DMC1: variants seen among roughly 807,000 people sequenced by gnomAD.
DMC1 encodes the protein DNA meiotic recombinase 1, also known as meiotic recombination protein DMC1 homolog.
DMC1 carries 27 observed loss-of-function variants against 50.1 expected under a neutral mutation model. The observed-to-expected ratio is 0.54, with a 90% confidence interval of 0.40 to 0.74. The LOEUF (loss-of-function observed/expected upper bound fraction) is 0.74. Ranked by LOEUF, DMC1 falls within the 30% of genes least tolerant of loss-of-function variation. DMC1 has a pLI of 0.00. For synonymous variants in DMC1, 148 were observed against 136.1 expected, an observed-to-expected ratio of 1.09 and a Z score of -0.61; for missense variants, 295 against 420.2, an observed-to-expected ratio of 0.70 and a Z score of 2.60.
intron 4 of DMC1, among the ~76,000 whole-genome samples, chr22:38,563,924 T>C (rs2090555269): frequency 6.6e-6 from 1 of 152,172 alleles, no homozygotes; most frequent in South Asian, 2.1e-4. Context: ...ATGGTCTCGA[T>C]CTCCTGACCT....
intron 2 of DMC1, 41 bp from the exon 3 acceptor site, chr22:38,567,668 C>T: frequency 3.5e-6 from 5 of 1,434,408 alleles, no homozygotes; most frequent in Non-Finnish European, 4.9e-6. Flanking sequence ...TTTGATTCTT[C>T]ATATCCAGCT....
intron 7 of DMC1, 60 bp downstream of exon 7, chr22:38,552,606 G>T: frequency 8.7e-7 from 1 of 1,145,866 alleles, no homozygotes; most frequent in Non-Finnish European, 1.3e-6. Context: ...CAGGCACATA[G>T]TAGATGTTTG....
intron 5 of DMC1, among the ~76,000 whole-genome samples, chr22:38,557,953 G>GTTTTTT (rs1555940699): frequency 2.0e-4 from 19 of 94,948 alleles, no homozygotes; most frequent in African/African-American, 7.1e-4. Context: ...ATTAGACAAA[G>GTTTTTT]TTCTTTTTTT....
intron 5 of DMC1, among the ~76,000 whole-genome samples, chr22:38,561,976 T>C (rs2090532012): frequency 6.6e-6 from 1 of 152,154 alleles, no homozygotes; most frequent in South Asian, 2.1e-4. Flanking sequence ...AAATGTGCAA[T>C]GAAACATCCT....
At chr22:38,567,491 A>G (rs2090592182) in intron 3 of DMC1, 92 bp downstream of exon 3, 1 of 1,110,638 alleles carries the variant, frequency 9.0e-7, no homozygotes, top group Non-Finnish European at 1.4e-6. Flanking sequence ...GTCCCCTTGC[A>G]ACAAAGAATT....
chr22:38,535,654 C>T (rs1015780393), intron 12 of DMC1, among the ~76,000 whole-genome samples: 1 of 151,556 alleles, frequency 6.6e-6, no homozygotes, highest in Admixed American at 6.6e-5. Context: ...GTCACCCAGG[C>T]TGGAGTGCAG....
chr22:38,549,033 T>C (rs2090375167), intron 8 of DMC1, among the ~76,000 whole-genome samples: 1 of 152,144 alleles, frequency 6.6e-6, no homozygotes, highest in Admixed American at 6.6e-5. Flanking sequence ...GTCCTATCAA[T>C]TTTCCTAATA....
downstream of DMC1, among the ~76,000 whole-genome samples, chr22:38,514,338 G>A (rs1234600749): frequency 6.9e-5 from 10 of 145,770 alleles, no homozygotes; most frequent in African/African-American, 2.5e-4. Flanking sequence ...TCCACCTCCC[G>A]GGTTCAAGCG....
chr22:38,560,061 G>C (rs995892078), intron 5 of DMC1, among the ~76,000 whole-genome samples: 4 of 151,650 alleles, frequency 2.6e-5, no homozygotes. Context: ...ACACAAATAA[G>C]TAAAATATGT....
intron 5 of DMC1, among the ~76,000 whole-genome samples, chr22:38,558,003 C>T (rs2090486824): frequency 8.8e-6 from 1 of 113,220 alleles, no homozygotes; most frequent in African/African-American, 3.3e-5. Flanking sequence ...CACTCTGTCG[C>T]CCAGGCTGGA....
At chr22:38,522,935 G>A (rs1602710790) in intron 12 of DMC1, among the ~76,000 whole-genome samples, 2 of 152,256 alleles carry the variant, frequency 1.3e-5, no homozygotes, top group East Asian at 3.9e-4. Context: ...CCTGGTTGGT[G>A]CTGAATAGGA....
chr22:38,529,156 G>A (rs553501754), intron 12 of DMC1, among the ~76,000 whole-genome samples: 6 of 152,110 alleles, frequency 3.9e-5, no homozygotes, highest in South Asian at 2.1e-4. Flanking sequence ...GACTACAGGC[G>A]TGTGCCACCA....
intron 8 of DMC1, among the ~76,000 whole-genome samples, chr22:38,543,534 T>A (rs938282637): frequency 1.3e-5 from 2 of 152,192 alleles, no homozygotes; most frequent in African/African-American, 4.8e-5. Context: ...CAGCTGCCTG[T>A]AAATTGTTAA....
In DMC1 at chr22:38,521,612, C is replaced by A; in HGVS notation, c.949G>T (p.Asp317Tyr). 3 of 1,602,308 alleles carry A rather than the reference C, an allele frequency of 1.9e-6. No homozygotes were observed. In the South Asian group the frequency reaches 3.3e-5, roughly 18 times the overall value. The change falls in exon 13 of 14, where the codon GAC becomes TAC. Residue 317 changes from aspartate to tyrosine, a missense_variant. Coordinates refer to ENST00000216024, the MANE Select transcript of DMC1 (RefSeq NM_007068.4). The part of the protein sequence containing the change: ...RGELRIAKIY[D>Y]SPEMPENEAT... ...ACAAAATAAAAAAAAATTTACCTGT[C>A]ATAAATCTTGGCAATTCTGAGCTCT... is the stretch of plus-strand genomic sequence containing the variant.
At chr22:38,529,275 C>T (rs984812083) in intron 12 of DMC1, among the ~76,000 whole-genome samples, 1 of 152,188 alleles carries the variant, frequency 6.6e-6, no homozygotes, top group Non-Finnish European at 1.5e-5. Context: ...TCCCAAAGCA[C>T]TGGGATTACA....
intron 12 of DMC1, among the ~76,000 whole-genome samples, chr22:38,536,621 G>T (rs1298333590): frequency 3.9e-5 from 6 of 151,942 alleles, no homozygotes; most frequent in Non-Finnish European, 8.8e-5. Flanking sequence ...TGACTTTTTT[G>T]TTTTTATGAA....
intron 12 of DMC1, among the ~76,000 whole-genome samples, chr22:38,537,025 T>C (rs962247680): frequency 1.3e-5 from 2 of 151,612 alleles, no homozygotes; most frequent in African/African-American, 4.9e-5. Flanking sequence ...TAATTTTTTG[T>C]ATTTTTAGTA....
At chr22:38,512,290 T>C in the DMC1 span, among the ~76,000 whole-genome samples, 1 of 152,174 alleles carries the variant, frequency 6.6e-6, no homozygotes, top group South Asian at 2.1e-4. Flanking sequence ...TTTATCTTTC[T>C]TCTCTCAACT....
chr22:38,560,998 C>T (rs891523996), intron 5 of DMC1, among the ~76,000 whole-genome samples: 5 of 151,678 alleles, frequency 3.3e-5, no homozygotes, highest in African/African-American at 9.7e-5. Flanking sequence ...TTAGTAATTC[C>T]TTAATTTTTT....
Sources: gnomAD v4.1 joint callset for allele counts (sites outside exome capture counted in the v4.1 genomes callset) on GRCh38, gnomAD v4.1.1 for gene constraint, MANE v1.5 for transcripts, NCBI Gene and HGNC (gene_info 2026-07-23, HGNC 2026-07-21) for gene names.